Variants in RGS7BP observed in about 807,000 individuals in gnomAD.
The protein encoded by RGS7BP is regulator of G protein signaling 7 binding protein.
A neutral mutation model predicts 31.3 loss-of-function variants in RGS7BP; 9 were observed. The ratio of observed to expected loss-of-function variants is 0.29; its 90% confidence interval spans 0.17 to 0.50. RGS7BP has a LOEUF of 0.50. Ranked by LOEUF, RGS7BP falls within the 20% of genes least tolerant of loss-of-function variation. The pLI, the probability that RGS7BP is intolerant of heterozygous loss-of-function variation, is 0.98. For synonymous variants in RGS7BP, 115 were observed against 120.1 expected (o/e 0.96, Z 0.28); for missense variants, 274 against 322.0 (o/e 0.85, Z 1.14).
At chr5:64,601,575 G>A in intron 5 of RGS7BP, 1 of 299,750 alleles carries the variant, frequency 3.3e-6, no homozygotes, top group Non-Finnish European at 4.9e-6. Flanking sequence ...CGAAAGAAAA[G>A]CAAGCCACCC....
At chr5:64,534,876 A>G (rs1457349957) in intron 2 of RGS7BP, among the ~76,000 whole-genome samples, 1 of 152,184 alleles carries the variant, frequency 6.6e-6, no homozygotes, top group Non-Finnish European at 1.5e-5. Flanking sequence ...GATAGAAAAC[A>G]AAGGAGAGCT....
Position 64,609,210 on chromosome 5 carries a change from G to A in RGS7BP, c.732G>A (p.Arg244=), listed in dbSNP as rs1208237967. Residue 244 remains arginine (R), a synonymous_variant, in exon 6 of 6, where the codon CGG becomes CGA. Transcript: ENST00000334025. ...CTCCCTACCCCCTGGTGAGAAGACG[G>A]AAGAGAAGGTTCTTTGGGCTGTGTT... ...NLTPYPLVRR[R]KRRFFGLCCL... 6.2e-7 allele frequency: 1 copy of A among 1,611,668 alleles called. No homozygotes were observed. The highest frequency in any genetic ancestry group is 1.1e-5 in the South Asian group (1 of 90,992).
intron 2 of RGS7BP, among the ~76,000 whole-genome samples, chr5:64,535,034 G>T (rs1561325928): frequency 6.6e-6 from 1 of 152,130 alleles, no homozygotes; most frequent in African/African-American, 2.4e-5. Flanking sequence ...AGACAGTTTT[G>T]CCAATGCTGC....
At chr5:64,608,587 C>G (rs1339198315) in intron 5 of RGS7BP, among the ~76,000 whole-genome samples, 2 of 152,040 alleles carry the variant, frequency 1.3e-5, no homozygotes, top group Non-Finnish European at 2.9e-5. Context: ...TTCCTCTATG[C>G]TAGACAGTAA....
chr5:64,512,536 T>C (rs1292288909), intron 2 of RGS7BP, among the ~76,000 whole-genome samples: 1 of 152,198 alleles, frequency 6.6e-6, no homozygotes, highest in East Asian at 1.9e-4. Flanking sequence ...AGTTAATGAA[T>C]AATGGGACCA....
chr5:64,551,460 A>G (rs2111837015), intron 2 of RGS7BP, among the ~76,000 whole-genome samples: 1 of 151,654 alleles, frequency 6.6e-6, no homozygotes, highest in South Asian at 2.1e-4. Context: ...ACAGGGTTTC[A>G]CCATTTTGGC....
intron 2 of RGS7BP, 129 bp from the exon 3 acceptor site, chr5:64,575,645 G>A (rs2111899109): frequency 7.2e-7 from 1 of 1,391,666 alleles, no homozygotes; most frequent in Admixed American, 3.2e-5. Context: ...AAAGCAGGAA[G>A]TCCTATATTT....
chr5:64,581,218 A>G (rs562171259), intron 3 of RGS7BP, among the ~76,000 whole-genome samples: 2 of 152,294 alleles, frequency 1.3e-5, no homozygotes, highest in African/African-American at 4.8e-5. Flanking sequence ...ATCTCAAAAT[A>G]TACATAAAAT....
rs895823639 is a variant in RGS7BP at position 64,612,215 on chromosome 5, A to G, written c.*2963A>G. ...TTTAAAACCACATTTCTGGGTTTTA[A>G]ATCAGTCAGTGGCTGGGCCCAAAGG... On this transcript the variant is annotated 3_prime_UTR_variant, in exon 6 of 6. Transcript: ENST00000334025. 1 of 152,258 alleles carries G rather than the reference A, an allele frequency of 6.6e-6. No individual in the cohort carries two copies. Among genetic ancestry groups the G allele is most frequent in the Non-Finnish European group, 1.5e-5 (1 of 67,850 alleles). The allele number at this position is 152,258 out of a possible 1,614,324, so 9.4% of individuals were successfully genotyped here. A position where few individuals can be genotyped will look rare whatever the true frequency, so the allele number is the denominator to read the frequency against.
chr5:64,600,044 T>A (rs924233725), intron 5 of RGS7BP, among the ~76,000 whole-genome samples: 5 of 152,174 alleles, frequency 3.3e-5, no homozygotes, highest in African/African-American at 1.2e-4. Flanking sequence ...AATAGAGGAA[T>A]CCCTGCTACC....
chr5:64,527,417 G>A (rs1749257146), intron 2 of RGS7BP, among the ~76,000 whole-genome samples: 1 of 152,098 alleles, frequency 6.6e-6, no homozygotes, highest in Admixed American at 6.5e-5. Flanking sequence ...TAGGGATTGA[G>A]AACTACTGGT....
At chr5:64,551,496 C>A (rs1394593017) in intron 2 of RGS7BP, among the ~76,000 whole-genome samples, 2 of 151,796 alleles carry the variant, frequency 1.3e-5, no homozygotes, top group African/African-American at 2.4e-5. Context: ...CTCCTAACCT[C>A]AAGCCATCAG....
chr5:64,528,522 G>T (rs974536444), intron 2 of RGS7BP, among the ~76,000 whole-genome samples: 5 of 152,078 alleles, frequency 3.3e-5, no homozygotes, highest in Non-Finnish European at 5.9e-5. Context: ...CCTGAAAAAG[G>T]AAGGATAGGC....
chr5:64,519,063 G>A (rs886911681), intron 2 of RGS7BP, among the ~76,000 whole-genome samples: 13 of 152,166 alleles, frequency 8.5e-5, no homozygotes, highest in African/African-American at 3.1e-4. Flanking sequence ...GCTGTCTGCT[G>A]AGAACACAAA....
At chr5:64,544,538 G>C (rs1449851511) in intron 2 of RGS7BP, among the ~76,000 whole-genome samples, 1 of 151,498 alleles carries the variant, frequency 6.6e-6, no homozygotes, top group Non-Finnish European at 1.5e-5. Context: ...GCCAAGGGTA[G>C]TGGTGCATGC....
chr5:64,589,083 G>A (rs1451634982), intron 3 of RGS7BP, among the ~76,000 whole-genome samples: 2 of 151,754 alleles, frequency 1.3e-5, no homozygotes, highest in African/African-American at 4.8e-5. Flanking sequence ...ATCACTTAGG[G>A]CCAGGAGTTC....
chr5:64,575,969 G>C (rs1396413662), intron 3 of RGS7BP, 65 bp downstream of exon 3: 1 of 1,483,894 alleles, frequency 6.7e-7, no homozygotes, highest in Non-Finnish European at 9.2e-7. Flanking sequence ...CTTTGGCAAA[G>C]TGTCCGTATA....
intron 2 of RGS7BP, among the ~76,000 whole-genome samples, chr5:64,565,602 G>A (rs966535848): frequency 5.3e-5 from 8 of 152,050 alleles, no homozygotes; most frequent in Non-Finnish European, 1.0e-4. Flanking sequence ...AACCAGCACC[G>A]TAACCCCAGC....
intron 2 of RGS7BP, among the ~76,000 whole-genome samples, chr5:64,522,091 A>T (rs1211433708): frequency 2.0e-5 from 3 of 152,232 alleles, no homozygotes; most frequent in Non-Finnish European, 4.4e-5. Context: ...TGAGGACTAC[A>T]ACAGATTCTC....
Sources: allele counts gnomAD v4.1 joint callset (sites outside exome capture counted in the v4.1 genomes callset), GRCh38; gene constraint gnomAD v4.1.1; transcripts MANE v1.5; gene names NCBI Gene and HGNC (gene_info 2026-07-23, HGNC 2026-07-21).